Variants in CACNA1B observed in about 807,000 individuals in gnomAD.
CACNA1B encodes voltage-dependent N-type calcium channel subunit alpha-1B.
Under a neutral mutation model 247.2 loss-of-function variants are expected in CACNA1B, and 70 were observed. The observed-to-expected ratio is 0.28, with a 90% CI of 0.23 to 0.35. The LOEUF is 0.35. Ranked by LOEUF, CACNA1B falls within the 10% of genes least tolerant of loss-of-function variation. The pLI is 1.00. For missense variants in CACNA1B, 2,367 were observed against 3,197.4 expected (o/e 0.74, Z 6.26); for synonymous variants, 1,231 against 1,294.4 (o/e 0.95, Z 1.05).
intron 20 of CACNA1B, among the ~76,000 whole-genome samples, chr9:138,028,017 C>G (rs576528150): frequency 2.0e-5 from 3 of 150,576 alleles, no homozygotes; most frequent in Non-Finnish European, 4.4e-5. Flanking sequence ...TCCACTCCCC[C>G]CCAACCTTTT....
intron 21 of CACNA1B, among the ~76,000 whole-genome samples, chr9:138,044,353 A>G (rs1429463836): frequency 6.6e-6 from 1 of 152,254 alleles, no homozygotes; most frequent in Non-Finnish European, 1.5e-5. Flanking sequence ...TAGTCCAGCC[A>G]GTGTTTCTGT....
intron 10 of CACNA1B, among the ~76,000 whole-genome samples, chr9:137,969,711 G>A (rs1958122674): frequency 6.6e-6 from 1 of 152,192 alleles, no homozygotes; most frequent in African/African-American, 2.4e-5. Flanking sequence ...AGTGAGCGTG[G>A]TCAGGCTGGA....
chr9:137,948,084 G>A (rs1957819076), intron 6 of CACNA1B, among the ~76,000 whole-genome samples: 1 of 147,802 alleles, frequency 6.8e-6, no homozygotes, highest in East Asian at 2.1e-4. Flanking sequence ...AAGCTCAAGC[G>A]ATTTTCCTGC....
At chr9:138,044,463 G>A (rs913928936) in intron 21 of CACNA1B, among the ~76,000 whole-genome samples, 4 of 152,220 alleles carry the variant, frequency 2.6e-5, no homozygotes, top group Non-Finnish European at 4.4e-5. Flanking sequence ...AGAGGCGGAC[G>A]ACAGACACGA....
intron 20 of CACNA1B, chr9:138,032,828 C>T (rs1959002435): frequency 2.7e-6 from 1 of 374,044 alleles, no homozygotes. Context: ...CTTTATATTT[C>T]AGAAGTTTGA....
rs1375234923 is a variant in CACNA1B, at chr9:138,023,464, C to G, written c.2721C>G (p.Gly907=). 2.1e-5 allele frequency: 25 copies of G among 1,197,768 alleles called. No individual in the cohort carries two copies. The highest frequency in any genetic ancestry group is 2.5e-5 in the Non-Finnish European group (24 of 967,866). 74.2% of individuals were successfully genotyped at this position (1,197,768 alleles called of 1,614,324 possible). A position where few individuals can be genotyped will look rare whatever the true frequency, so the allele number is the denominator to read the frequency against. Residue 907 remains glycine, a synonymous_variant, in exon 19 of 47, where the codon GGC becomes GGG. Coordinates refer to ENST00000371372, the MANE Select transcript of CACNA1B (RefSeq NM_000718.4). ...CCCCGGAGGCGCGGAGCGAGCGCGG[C>G]CGAGGCCCAGGCCCCGAGGGCGGCC... ...AGPPEARSER[G]RGPGPEGGRR...
At chr9:138,087,502 G>A (rs1330906284) in intron 36 of CACNA1B, among the ~76,000 whole-genome samples, 9 of 144,442 alleles carry the variant, frequency 6.2e-5, no homozygotes, top group Admixed American at 6.8e-5. Context: ...GGATCACGAG[G>A]TCAAGAGATC....
chr9:138,113,132 AG>A (rs1249611779), intron 40 of CACNA1B, among the ~76,000 whole-genome samples: 7 of 141,782 alleles, frequency 4.9e-5, no homozygotes, highest in African/African-American at 1.9e-4. Context: ...GGGAGACGTG[AG>A]GGAGCACGGG....
At chr9:137,920,944 A>G (rs1957470362) in intron 6 of CACNA1B, among the ~76,000 whole-genome samples, 1 of 152,232 alleles carries the variant, frequency 6.6e-6, no homozygotes, top group Non-Finnish European at 1.5e-5. Context: ...GAACTCCAGG[A>G]TTCTGTTTTG....
chr9:138,037,574 G>A (rs572092839), intron 20 of CACNA1B, among the ~76,000 whole-genome samples: 1 of 152,050 alleles, frequency 6.6e-6, no homozygotes, highest in Non-Finnish European at 1.5e-5. Flanking sequence ...CAGGAGAATC[G>A]CTTGAACACG....
intron 6 of CACNA1B, among the ~76,000 whole-genome samples, chr9:137,927,479 T>A (rs1047831600): frequency 6.6e-6 from 1 of 152,212 alleles, no homozygotes; most frequent in Non-Finnish European, 1.5e-5. Flanking sequence ...CACCTCGGAT[T>A]TGCTGAAAAG....
intron 31 of CACNA1B, among the ~76,000 whole-genome samples, chr9:138,068,821 G>A (rs1192598422): frequency 6.6e-6 from 1 of 152,154 alleles, no homozygotes; most frequent in African/African-American, 2.4e-5. Context: ...CGGGCTCTAG[G>A]GAAACCTCCC....
At chr9:137,982,004 C>T (rs1023065584) in intron 12 of CACNA1B, among the ~76,000 whole-genome samples, 13 of 152,210 alleles carry the variant, frequency 8.5e-5, no homozygotes, top group Non-Finnish European at 1.5e-4. Flanking sequence ...CAAAACCACT[C>T]CCACATTTTA....
chr9:138,054,088 G>C lies in CACNA1B; in HGVS notation c.3968+82G>C, dbSNP rs1959403371. ...GGGAGTTCCCTTGGGACCAGGTGGA[G>C]CTGGTCACACGGCGTGGGAGACTCC... On this transcript the variant is annotated intron_variant, in intron 26 of 46. Transcript: ENST00000371372. This position sits in a 1 kb window ranked among gnomAD's most constrained non-coding sequence, Gnocchi z 4.6. The C allele has an allele frequency of 3.7e-6, 5 of 1,347,820 alleles. No homozygotes were observed. Among genetic ancestry groups the C allele is most frequent in the Non-Finnish European group, 5.3e-6 (5 of 945,104 alleles). The allele number at this position is 1,347,820 out of a possible 1,614,324, so 83.5% of individuals were successfully genotyped here.
intron 35 of CACNA1B, 66 bp from the exon 36 acceptor site, chr9:138,078,048 A>C: frequency 6.7e-7 from 1 of 1,491,922 alleles, no homozygotes; most frequent in Admixed American, 1.8e-5. Flanking sequence ...CACGCTTGGT[A>C]GCCCCACAGG....
Position 137,882,778 on chromosome 9 carries a change from G to T in CACNA1B, c.425G>T (p.Cys142Phe). ...DTEPYFIGIFCFEAGIKIIAL... is the reference protein window; with the variant it reads ...DTEPYFIGIFFFEAGIKIIAL... ...GAGCCCTATTTCATCGGGATCTTTT[G>T]CTTCGAGGCAGGGATCAAAATCATC... Residue 142 changes from cysteine (C) to phenylalanine (F), a missense_variant, in exon 3 of 47, where the codon TGC becomes TTC. By Grantham distance (205) the Cys-to-Phe change is radical. This residue lies in a region of CACNA1B where 130 missense variants were observed against 338.7 expected (regional missense o/e 0.38). Coordinates refer to ENST00000371372, the MANE Select transcript of CACNA1B (RefSeq NM_000718.4). This position sits in a 1 kb window ranked among gnomAD's most constrained non-coding sequence, Gnocchi z 4.0. 1 of 1,614,008 alleles carries T rather than the reference G, an allele frequency of 6.2e-7. No individual in the cohort carries two copies. The highest frequency in any genetic ancestry group is 2.2e-5 in the East Asian group (1 of 44,890).
rs1958828116 is a variant in CACNA1B at position 138,020,274 on chromosome 9, G to A, written c.2268-2737G>A. ...TTCCCCACAGCACCCAGCTGAGCAT[G>A]GCTGAGCCCTCCTCCCTGGAACAGC... On this transcript the variant is annotated intron_variant, in intron 18 of 46. Transcript: ENST00000371372. The surrounding 1 kb of genome is among the most constrained non-coding windows in gnomAD (Gnocchi z 4.1). Among the ~76,000 whole-genome samples, 1 of 152,148 alleles carries A rather than the reference G, an allele frequency of 6.6e-6. No homozygotes were observed. The highest frequency in any genetic ancestry group is 2.1e-4 in the South Asian group (1 of 4,832).
Position 138,052,912 on chromosome 9 carries a change from T to C in CACNA1B, c.3807+724T>C, listed in dbSNP as rs1959346580. On this transcript the variant is annotated intron_variant, in intron 25 of 46. Coordinates refer to ENST00000371372, the MANE Select transcript of CACNA1B (RefSeq NM_000718.4). This position sits in a 1 kb window ranked among gnomAD's most constrained non-coding sequence, Gnocchi z 5.1. Reference sequence around the variant, plus strand: ...CAGGCTGCTTTGTGGGAGACGGTTGTGGCCCCACCTTCCCGTCACAGCTAG... The same window carrying C: ...CAGGCTGCTTTGTGGGAGACGGTTGCGGCCCCACCTTCCCGTCACAGCTAG... Among the ~76,000 whole-genome samples, 1 of 152,206 alleles carries C rather than the reference T, an allele frequency of 6.6e-6. No homozygotes were observed. Among genetic ancestry groups the C allele is most frequent in the South Asian group, 2.1e-4 (1 of 4,836 alleles).
At chr9:138,078,348 C>A (rs1470443560) in intron 36 of CACNA1B, 90 bp downstream of exon 36, 4 of 1,300,046 alleles carry the variant, frequency 3.1e-6, no homozygotes, top group East Asian at 4.7e-5. Context: ...ATCCCTGACT[C>A]TGATCCAGGC....
Sources: gnomAD v4.1 joint callset for allele counts (sites outside exome capture counted in the v4.1 genomes callset) on GRCh38, gnomAD v4.1.1 for gene constraint, gnomAD v4.1.1 regional missense constraint, Gnocchi (gnomAD v3.1) non-coding constraint, MANE v1.5 for transcripts, NCBI Gene and HGNC (gene_info 2026-07-23, HGNC 2026-07-21) for gene names.